MELK: variants seen among roughly 807,000 people sequenced by gnomAD.
The protein encoded by MELK is pEg3 kinase.
A neutral mutation model predicts 85.0 loss-of-function variants in MELK; 81 were observed. The observed-to-expected ratio is 0.95, with a 90% confidence interval of 0.80 to 1.15. The LOEUF is 1.15. MELK is among the 50% of genes most tolerant of loss of function. The pLI is 0.00. For synonymous variants in MELK, 252 were observed against 265.0 expected (o/e 0.95, Z 0.48); for missense variants, 754 against 777.5 (o/e 0.97, Z 0.36).
chr9:36,592,163 A>ATTTCT (rs1430352740), intron 4 of MELK, among the ~76,000 whole-genome samples: 1 of 136,372 alleles, frequency 7.3e-6, no homozygotes, highest in African/African-American at 2.8e-5. Context: ...TAGTCATCAC[A>ATTTCT]TTTCTTTTCT....
chr9:36,632,362 C>T (rs994818722), intron 9 of MELK, among the ~76,000 whole-genome samples: 1 of 152,146 alleles, frequency 6.6e-6, no homozygotes, highest in Non-Finnish European at 1.5e-5. Context: ...TGAGCCTGGC[C>T]TCACTGCTAT....
intron 2 of MELK, among the ~76,000 whole-genome samples, chr9:36,582,373 G>C (rs2135018137): frequency 6.6e-6 from 1 of 152,316 alleles, no homozygotes; most frequent in Admixed American, 6.5e-5. Flanking sequence ...CTGCTTGGTA[G>C]ATAAAAGGTT....
intron 3 of MELK, among the ~76,000 whole-genome samples, chr9:36,584,921 G>T (rs1304898628): frequency 6.6e-6 from 1 of 151,930 alleles, no homozygotes; most frequent in African/African-American, 2.4e-5. Context: ...GTCTTACTCT[G>T]TTGCCCAGGG....
At chr9:36,654,374 G>C (rs372992743) in intron 12 of MELK, among the ~76,000 whole-genome samples, 1 of 11,152 alleles carries the variant, frequency 9.0e-5, no homozygotes, top group East Asian at 2.1e-3. Flanking sequence ...TTTTTTTTTT[G>C]AGACAGAGTC....
At chr9:36,665,011 T>C (rs1229142861) in intron 13 of MELK, among the ~76,000 whole-genome samples, 1 of 152,256 alleles carries the variant, frequency 6.6e-6, no homozygotes, top group Non-Finnish European at 1.5e-5. Context: ...CTAAACTTTT[T>C]TTTTGGTACA....
chr9:36,655,080 A>C (rs578173745), intron 12 of MELK, among the ~76,000 whole-genome samples: 17 of 152,288 alleles, frequency 1.1e-4, no homozygotes, highest in African/African-American at 4.1e-4. Context: ...ATCACAAATA[A>C]CCACGTCATC....
At chr9:36,657,590 TTTA>T (rs1831378908) in intron 13 of MELK, among the ~76,000 whole-genome samples, 1 of 152,254 alleles carries the variant, frequency 6.6e-6, no homozygotes, top group East Asian at 1.9e-4. Flanking sequence ...TTATTTCCTG[TTTA>T]TTATTATTAT....
rs151035840 is a variant in MELK, at chr9:36,622,756, A to C, written c.667-7543A>C. On this transcript the variant is annotated intron_variant, in intron 8 of 17. Transcript: ENST00000298048. Reference sequence around the variant, plus strand: ...TTTATGAAATTATATTTTTACAATTACGGAGTTTACTACAGCATTATGATT... The same window carrying C: ...TTTATGAAATTATATTTTTACAATTCCGGAGTTTACTACAGCATTATGATT... Among the ~76,000 whole-genome samples the C allele has an allele frequency of 1.7e-3, 252 of 152,340 alleles. 1 individual carries two copies. Among genetic ancestry groups the C allele is most frequent in the African/African-American group, 5.8e-3 (242 of 41,582 alleles).
At chr9:36,588,133 C>T (rs143567552) in intron 3 of MELK, among the ~76,000 whole-genome samples, 6 of 151,118 alleles carry the variant, frequency 4.0e-5, no homozygotes, top group East Asian at 4.0e-4. Context: ...CTCGGCTCAC[C>T]GCAACTTCCA....
At chr9:36,594,583 A>T in intron 4 of MELK, 45 bp from the exon 5 acceptor site, 1 of 1,581,362 alleles carries the variant, frequency 6.3e-7, no homozygotes, top group South Asian at 1.2e-5. Flanking sequence ...CTGTGAAGTG[A>T]TTTTTTAAGT....
intron 11 of MELK, among the ~76,000 whole-genome samples, chr9:36,647,546 C>T (rs886114729): frequency 1.6e-4 from 24 of 150,892 alleles, no homozygotes; most frequent in African/African-American, 3.7e-4. Flanking sequence ...TGCAGTGCAG[C>T]GGCAGAATCT....
rs1824009048 is a variant in MELK at position 36,594,789 on chromosome 9, A to G, written c.405+18A>G. On this transcript the variant is annotated intron_variant, in intron 5 of 17. Coordinates refer to ENST00000298048, the MANE Select transcript of MELK (RefSeq NM_014791.4). ...TCAAGCCAGTAAGTGACTGCATCAC[A>G]GTTAGATGCTCACCTTCAGCGTCAT... is the stretch of plus-strand genomic sequence containing the variant. The G allele has an allele frequency of 1.9e-6, 3 of 1,604,580 alleles. No individual in the cohort carries two copies. Among genetic ancestry groups the G allele is most frequent in the Non-Finnish European group, 2.6e-6 (3 of 1,175,384 alleles).
intron 7 of MELK, among the ~76,000 whole-genome samples, chr9:36,606,618 G>T (rs151302348): frequency 6.9e-5 from 10 of 145,734 alleles, no homozygotes; most frequent in African/African-American, 2.5e-4. Context: ...CATATGTATA[G>T]GTGTATATAT....
chr9:36,651,192 G>A (rs969218758), intron 11 of MELK, among the ~76,000 whole-genome samples: 2 of 152,104 alleles, frequency 1.3e-5, no homozygotes, highest in Admixed American at 6.6e-5. Flanking sequence ...TTAATAATTG[G>A]AAAGGCAGGC....
chr9:36,583,321 T>G (rs1822456018), intron 2 of MELK, among the ~76,000 whole-genome samples: 1 of 152,060 alleles, frequency 6.6e-6, no homozygotes, highest in African/African-American at 2.4e-5. Context: ...GTCTTTGGCC[T>G]CAGCAACTTT....
Position 36,589,523 on chromosome 9 carries a change from T to A in MELK, c.145-13T>A, listed in dbSNP as rs1823312259. The A allele has an allele frequency of 1.9e-6, 3 of 1,588,840 alleles. No individual in the cohort carries two copies. Among genetic ancestry groups the A allele is most frequent in the Non-Finnish European group, 2.6e-6 (3 of 1,157,316 alleles). On this transcript the variant is annotated splice_polypyrimidine_tract_variant and intron_variant, in intron 3 of 17. Coordinates refer to ENST00000298048, the MANE Select transcript of MELK (RefSeq NM_014791.4). ...TAAGTTTATTGCTCATTCCATATGA[T>A]GTTTTGTCACAGAGTGATTTGCCCC...
chr9:36,619,233 T>TA (rs1251210962), intron 8 of MELK, among the ~76,000 whole-genome samples: 1 of 152,246 alleles, frequency 6.6e-6, no homozygotes, highest in Non-Finnish European at 1.5e-5. Context: ...GTGCTGAGAT[T>TA]ACAGGCATGA....
At chr9:36,667,551 G>A (rs866990845) in intron 14 of MELK, among the ~76,000 whole-genome samples, 1 of 152,172 alleles carries the variant, frequency 6.6e-6, no homozygotes, top group Non-Finnish European at 1.5e-5. Context: ...TTTGCAATAT[G>A]GGTAGTTTGG....
At chr9:36,605,123 T>G (rs1180866317) in intron 7 of MELK, among the ~76,000 whole-genome samples, 1 of 151,866 alleles carries the variant, frequency 6.6e-6, no homozygotes, top group Admixed American at 6.6e-5. Flanking sequence ...AACTCCCTAC[T>G]TCAGGTGATC....
Sources: allele counts gnomAD v4.1 joint callset (sites outside exome capture counted in the v4.1 genomes callset), GRCh38; gene constraint gnomAD v4.1.1; transcripts MANE v1.5; gene names NCBI Gene and HGNC (gene_info 2026-07-23, HGNC 2026-07-21).